The following TRPC4AP variants were observed in gnomAD, a reference collection of about 807,000 sequenced individuals.
The protein encoded by TRPC4AP is short transient receptor potential channel 4-associated protein.
In TRPC4AP, 45 loss-of-function variants were observed where a neutral mutation model predicts 99.0. The observed-to-expected ratio is 0.45, with a 90% CI of 0.36 to 0.58. TRPC4AP has a LOEUF of 0.58. TRPC4AP is among the 20% of genes least tolerant of loss of function. The pLI is 0.00. For synonymous variants in TRPC4AP, 408 were observed against 385.8 expected (o/e 1.06, Z -0.67); for missense variants, 879 against 985.3 (o/e 0.89, Z 1.44).
chr20:35,078,828 A>G (rs2084551594), intron 1 of TRPC4AP, among the ~76,000 whole-genome samples: 6 of 152,176 alleles, frequency 3.9e-5, no homozygotes, highest in Admixed American at 3.3e-4. Context: ...CACTTTGGGA[A>G]GCCGAGGCAG....
chr20:35,010,236 A>T lies in TRPC4AP; in HGVS notation c.1462T>A (p.Ser488Thr). Reference protein sequence around the residue: ...NQELNELSAISLKANIPEVEA... With the variant: ...NQELNELSAITLKANIPEVEA... ...ACCTCAGGGATGTTGGCCTTGAGAG[A>T]GATGGCACTGAGTTCATTCAGCTCC... is the stretch of plus-strand genomic sequence containing the variant. Residue 488 changes from serine (S) to threonine (T), a missense_variant, in exon 12 of 19, where the codon TCT becomes ACT. Transcript: ENST00000252015. The T allele has an allele frequency of 6.2e-7, 1 of 1,614,156 alleles. No homozygotes were observed. The highest frequency in any genetic ancestry group is 8.5e-7 in the Non-Finnish European group (1 of 1,180,024).
chr20:35,053,196 CCATT>C (rs1450991158), intron 5 of TRPC4AP, among the ~76,000 whole-genome samples: 2 of 152,092 alleles, frequency 1.3e-5, no homozygotes, highest in South Asian at 4.1e-4. Flanking sequence ...ATGCTAAGAA[CCATT>C]CAAATTCTCT....
At chr20:35,023,731 T>C (rs1261032148) in intron 8 of TRPC4AP, among the ~76,000 whole-genome samples, 3 of 152,216 alleles carry the variant, frequency 2.0e-5, no homozygotes, top group South Asian at 2.1e-4. Flanking sequence ...CCTTGCGTGC[T>C]TGGCATCCTC....
intron 8 of TRPC4AP, among the ~76,000 whole-genome samples, chr20:35,022,636 T>A (rs906668349): frequency 3.9e-5 from 6 of 152,106 alleles, no homozygotes; most frequent in Non-Finnish European, 7.4e-5. Context: ...AAGGCCTCTA[T>A]GTGTTATAGA....
rs190628499 is a variant in TRPC4AP, at chr20:35,074,519, C to T, written c.297+3527G>A. Among the ~76,000 whole-genome samples, 10 of 152,288 alleles carry T rather than the reference C, an allele frequency of 6.6e-5. No individual in the cohort carries two copies. In the East Asian group the frequency reaches 1.9e-3, roughly 29 times the overall value. On this transcript the variant is annotated intron_variant, in intron 2 of 18. Coordinates refer to ENST00000252015, the MANE Select transcript of TRPC4AP (RefSeq NM_015638.3). ...AACACCTTTATTTCTGCCTTCATTT[C>T]GTTATGTACCCAGCAGTCATTCAGG...
chr20:35,059,829 T>C (rs1268425090), intron 3 of TRPC4AP, among the ~76,000 whole-genome samples: 1 of 149,288 alleles, frequency 6.7e-6, no homozygotes, highest in Admixed American at 6.6e-5. Flanking sequence ...ACGAAGAAGA[T>C]GAAGACAAAG....
intron 7 of TRPC4AP, among the ~76,000 whole-genome samples, chr20:35,039,790 G>A (rs1042365445): frequency 2.0e-5 from 3 of 151,848 alleles, no homozygotes; most frequent in Non-Finnish European, 4.4e-5. Flanking sequence ...CTTCTAAATC[G>A]ACAGAAGAAC....
At chr20:35,054,453 T>C (rs1449587436) in intron 5 of TRPC4AP, among the ~76,000 whole-genome samples, 2 of 152,170 alleles carry the variant, frequency 1.3e-5, no homozygotes, top group African/African-American at 4.8e-5. Context: ...TTGGGAGGTG[T>C]ACTAAGCCAA....
At chr20:35,070,392 T>A (rs569312952) in intron 2 of TRPC4AP, among the ~76,000 whole-genome samples, 1 of 152,174 alleles carries the variant, frequency 6.6e-6, no homozygotes, top group Non-Finnish European at 1.5e-5. Flanking sequence ...CACTTTTACT[T>A]TGCACCTATT....
At chr20:35,066,805 G>A (rs1445340138) in intron 3 of TRPC4AP, among the ~76,000 whole-genome samples, 1 of 151,784 alleles carries the variant, frequency 6.6e-6, no homozygotes, top group Non-Finnish European at 1.5e-5. Flanking sequence ...TCTCAAAATA[G>A]TAAAAAAACA....
rs140612284 is a variant in TRPC4AP at position 35,044,652 on chromosome 20, G to C, written c.718C>G (p.Gln240Glu). The change falls in exon 7 of 19, where the codon CAG becomes GAG. Residue 240 changes from glutamine to glutamate, a missense_variant. Gln to Glu is a conservative substitution (Grantham distance 29). Coordinates refer to ENST00000252015, the MANE Select transcript of TRPC4AP (RefSeq NM_015638.3). Reference sequence around the variant, plus strand: ...ATCCGGCAGAAATTAGCGAGCTGCTGCTGATCGAAATTGGATACTAAGGAA... The same window carrying C: ...ATCCGGCAGAAATTAGCGAGCTGCTCCTGATCGAAATTGGATACTAAGGAA... ...LSSLVSNFDQ[Q>E]QLANFCRILA... 1.9e-6 allele frequency: 3 copies of C among 1,614,056 alleles called. No individual in the cohort carries two copies. The highest frequency in any genetic ancestry group is 2.5e-6 in the Non-Finnish European group (3 of 1,180,030).
intron 7 of TRPC4AP, among the ~76,000 whole-genome samples, chr20:35,041,630 C>G (rs914062123): frequency 6.6e-6 from 1 of 152,192 alleles, no homozygotes; most frequent in Admixed American, 6.5e-5. Flanking sequence ...ACAGTTCATT[C>G]CTCAAGAATA....
intron 8 of TRPC4AP, among the ~76,000 whole-genome samples, chr20:35,024,359 TCC>T (rs1280952914): frequency 2.0e-5 from 3 of 152,152 alleles, no homozygotes; most frequent in Non-Finnish European, 2.9e-5. Flanking sequence ...GAAACTATTT[TCC>T]ATCTCTATGC....
At position 35,010,093 on chromosome 20, in the gene TRPC4AP, C is replaced by A. The variant is rs990515988; in HGVS notation, c.1511+94G>T. ...CACTGTAGCTGCATGTGAGAGAGGA[C>A]ACGCGTGCATACCTGGATGTGCTCA... On this transcript the variant is annotated intron_variant, in intron 12 of 18. Transcript: ENST00000252015. 4.3e-6 allele frequency: 4 copies of A among 939,448 alleles called. No individual in the cohort carries two copies. The Admixed American group carries it at 7.5e-5, about 18-fold the overall frequency. The allele number at this position is 939,448 out of a possible 1,614,324, so 58.2% of individuals were successfully genotyped here.
At chr20:35,088,019 G>T (rs1401488836) in intron 1 of TRPC4AP, among the ~76,000 whole-genome samples, 1 of 152,192 alleles carries the variant, frequency 6.6e-6, no homozygotes, top group African/African-American at 2.4e-5. Flanking sequence ...AAGGCAATTG[G>T]ATATACCTAC....
In TRPC4AP at chr20:35,029,628, CTTTTTTTTTTTTT is replaced by C. The variant is rs35372826; in HGVS notation, c.1051+5482_1051+5494del. ...TTTACTATATTTCCCAAGTTACTTT[CTTTTTTTTTTTTT>C]TTTTTTTTTTTTGAGACAGAGTCTC... On this transcript the variant is annotated intron_variant, in intron 8 of 18. Coordinates refer to ENST00000252015, the MANE Select transcript of TRPC4AP (RefSeq NM_015638.3). Among the ~76,000 whole-genome samples, 4 of 39,390 alleles carry C rather than the reference CTTTTTTTTTTTTT, an allele frequency of 1.0e-4. No homozygotes were observed. The East Asian group carries it at 2.5e-3, about 24-fold the overall frequency. 25.8% of individuals were successfully genotyped at this position (39,390 alleles called of 152,430 possible).
intron 7 of TRPC4AP, among the ~76,000 whole-genome samples, chr20:35,038,656 G>A (rs575856024): frequency 6.0e-4 from 92 of 152,206 alleles, no homozygotes; most frequent in Middle Eastern, 3.4e-3. Flanking sequence ...GGCATGTATA[G>A]AATATTTTTC....
At chr20:35,064,884 T>C (rs1484037239) in intron 3 of TRPC4AP, among the ~76,000 whole-genome samples, 1 of 152,262 alleles carries the variant, frequency 6.6e-6, no homozygotes, top group African/African-American at 2.4e-5. Flanking sequence ...TATCTTCTCC[T>C]GGTAGATAGT....
intron 3 of TRPC4AP, among the ~76,000 whole-genome samples, chr20:35,067,324 T>C (rs1311740388): frequency 2.0e-5 from 3 of 151,626 alleles, no homozygotes; most frequent in African/African-American, 4.8e-5. Flanking sequence ...ATCTCAGTAC[T>C]TTTTTTTTAA....
Sources: allele counts gnomAD v4.1 joint callset (sites outside exome capture counted in the v4.1 genomes callset), GRCh38; gene constraint gnomAD v4.1.1; transcripts MANE v1.5; gene names NCBI Gene and HGNC (gene_info 2026-07-23, HGNC 2026-07-21).